The following RSBN1 variants were observed in gnomAD, a reference collection of about 807,000 sequenced individuals.
RSBN1 encodes lysine-specific demethylase 9.
Under a neutral mutation model 74.8 loss-of-function variants are expected in RSBN1, and 23 were observed. That is an observed-to-expected ratio of 0.31 (90% confidence interval 0.22 to 0.44). The LOEUF is 0.44. Ranked by LOEUF, RSBN1 falls within the 20% of genes least tolerant of loss-of-function variation. The pLI is 1.00. For missense variants in RSBN1, 808 were observed against 1,020.9 expected, an observed-to-expected ratio of 0.79 and a Z score of 2.84; for synonymous variants, 407 against 379.6, an observed-to-expected ratio of 1.07 and a Z score of -0.84.
At chr1:113,780,961 C>T (rs1483898156) in intron 2 of RSBN1, among the ~76,000 whole-genome samples, 3 of 152,038 alleles carry the variant, frequency 2.0e-5, no homozygotes, top group African/African-American at 7.2e-5. Context: ...GTTTTTTTCT[C>T]AGTATCAGTC....
chr1:113,778,483 A>G (rs889170538), intron 2 of RSBN1, among the ~76,000 whole-genome samples: 1 of 151,966 alleles, frequency 6.6e-6, no homozygotes, highest in Non-Finnish European at 1.5e-5. Flanking sequence ...TTTTTTTAGT[A>G]GAGATGGGGT....
At position 113,763,422 on chromosome 1, in the gene RSBN1, T is replaced by C. The variant is rs1476563524; in HGVS notation, c.*2558A>G. 6.5e-6 allele frequency: 1 copy of C among 152,712 alleles called. No individual in the cohort carries two copies. Among genetic ancestry groups the C allele is most frequent in the Non-Finnish European group, 1.5e-5 (1 of 68,026 alleles). 9.5% of individuals were successfully genotyped at this position (152,712 alleles called of 1,614,324 possible). A position where few individuals can be genotyped will look rare whatever the true frequency, so the allele number is the denominator to read the frequency against. Reference sequence around the variant, plus strand: ...CTTTAACAAATCAGAAGACGCCAGATTGCTCCATGCCTCACTCCACCAAAC... The same window carrying C: ...CTTTAACAAATCAGAAGACGCCAGACTGCTCCATGCCTCACTCCACCAAAC... On this transcript the variant is annotated 3_prime_UTR_variant, in exon 7 of 7. Coordinates refer to ENST00000261441, the MANE Select transcript of RSBN1 (RefSeq NM_018364.5).
At chr1:113,799,434 G>A (rs1485156906) in intron 1 of RSBN1, among the ~76,000 whole-genome samples, 4 of 152,144 alleles carry the variant, frequency 2.6e-5, no homozygotes, top group South Asian at 2.1e-4. Flanking sequence ...AGCTCTTTTG[G>A]GGAGGTAACA....
At chr1:113,767,297 C>A in intron 5 of RSBN1, 90 bp from the exon 6 acceptor site, 1 of 678,780 alleles carries the variant, frequency 1.5e-6, no homozygotes. Context: ...GGAAATGCTT[C>A]TACCAGCAGA....
At chr1:113,806,712 T>C (rs1660705151) in intron 1 of RSBN1, among the ~76,000 whole-genome samples, 1 of 146,980 alleles carries the variant, frequency 6.8e-6, no homozygotes. Flanking sequence ...ACTGAGAAGG[T>C]AGAAAGGACC....
intron 4 of RSBN1, 132 bp from the exon 5 acceptor site, chr1:113,768,521 T>C: frequency 1.7e-6 from 1 of 580,060 alleles, no homozygotes; most frequent in Non-Finnish European, 3.0e-6. Flanking sequence ...CTGAGAAGGG[T>C]TCAATGATTA....
chr1:113,808,515 C>T (rs1185814861), intron 1 of RSBN1, among the ~76,000 whole-genome samples: 2 of 152,122 alleles, frequency 1.3e-5, no homozygotes, highest in Non-Finnish European at 2.9e-5. Flanking sequence ...TACATGCACA[C>T]AAAAACCTGA....
At chr1:113,805,191 A>G (rs1660677968) in intron 1 of RSBN1, among the ~76,000 whole-genome samples, 1 of 151,800 alleles carries the variant, frequency 6.6e-6, no homozygotes. Flanking sequence ...ATCTCAGCTC[A>G]GTGCAACCTC....
intron 4 of RSBN1, among the ~76,000 whole-genome samples, chr1:113,775,091 C>A (rs1330636573): frequency 6.7e-6 from 1 of 150,348 alleles, no homozygotes; most frequent in Non-Finnish European, 1.5e-5. Flanking sequence ...GTGGCACAAT[C>A]TCGGCTCACT....
Position 113,762,706 on chromosome 1 carries a change from T to C in RSBN1, c.*3274A>G, listed in dbSNP as rs1659701444. The C allele has an allele frequency of 6.5e-6, 1 of 152,794 alleles. No individual in the cohort carries two copies. Among genetic ancestry groups the C allele is most frequent in the Admixed American group, 6.5e-5 (1 of 15,284 alleles). 9.5% of individuals were successfully genotyped at this position (152,794 alleles called of 1,614,324 possible). ...GGATTTGGGAGTCTTGTTCCTATAT[T>C]AGCTTTCATTCTAGACAATTAATAT... is the stretch of plus-strand genomic sequence containing the variant. On this transcript the variant is annotated 3_prime_UTR_variant, in exon 7 of 7. Coordinates refer to ENST00000261441, the MANE Select transcript of RSBN1 (RefSeq NM_018364.5).
intron 1 of RSBN1, among the ~76,000 whole-genome samples, chr1:113,800,899 C>G: frequency 6.6e-6 from 1 of 151,202 alleles, no homozygotes; most frequent in East Asian, 1.9e-4. Flanking sequence ...AAGAATCTTA[C>G]ATTGTAATCT....
chr1:113,812,385 CG>C lies in RSBN1; in HGVS notation c.27del (p.Asp10ThrfsTer49). The C allele has an allele frequency of 6.2e-7, 1 of 1,601,564 alleles. No homozygotes were observed. Among genetic ancestry groups the C allele is most frequent in the South Asian group, 1.1e-5 (1 of 90,924 alleles). MFISGRRT[A>X]DKWRAEERLQ... ...AGTCTCTCCTCCGCCCTCCACTTGTCGGCCGTTCTTCGTCCAGAGATGAACA... is the reference window on the plus strand; with the variant it reads ...AGTCTCTCCTCCGCCCTCCACTTGTCGCCGTTCTTCGTCCAGAGATGAACA... On this transcript the variant is annotated frameshift_variant, in exon 1 of 7. Transcript: ENST00000261441. LOFTEE classifies it high-confidence loss of function.
intron 2 of RSBN1, among the ~76,000 whole-genome samples, chr1:113,794,928 A>G (rs1329543948): frequency 6.6e-6 from 1 of 152,248 alleles, no homozygotes; most frequent in African/African-American, 2.4e-5. Flanking sequence ...CTACATATTT[A>G]AACTATAAAT....
At chr1:113,787,581 G>A (rs900718122) in intron 2 of RSBN1, among the ~76,000 whole-genome samples, 4 of 152,064 alleles carry the variant, frequency 2.6e-5, no homozygotes, top group Middle Eastern at 3.2e-3. Flanking sequence ...TGAACTAAAT[G>A]ACTACAGACA....
At position 113,763,045 on chromosome 1, in the gene RSBN1, G is replaced by A. The variant is rs1659711216; in HGVS notation, c.*2935C>T. ...AATTTTTAGAGTTAAAACTTTGGAGGAGAGAACATACTATATAGGTTTTTA... is the reference window on the plus strand; with the variant it reads ...AATTTTTAGAGTTAAAACTTTGGAGAAGAGAACATACTATATAGGTTTTTA... On this transcript the variant is annotated 3_prime_UTR_variant, in exon 7 of 7. Transcript: ENST00000261441. 1 of 152,766 alleles carries A rather than the reference G, an allele frequency of 6.5e-6. No individual in the cohort carries two copies. The highest frequency in any genetic ancestry group is 6.5e-5 in the Admixed American group (1 of 15,274). 9.5% of individuals were successfully genotyped at this position (152,766 alleles called of 1,614,324 possible). A position where few individuals can be genotyped will look rare whatever the true frequency, so the allele number is the denominator to read the frequency against.
Position 113,811,927 on chromosome 1 carries a change from G to T in RSBN1, c.486C>A (p.Leu162=), listed in dbSNP as rs760224572. ...APAGPAVAAP[L]PAPSTSALFT... ...AGAGGGCCGAGGTGCTTGGGGCCGGGAGAGGGGCAGCGACAGCGGGCCCGG... is the reference window on the plus strand; with the variant it reads ...AGAGGGCCGAGGTGCTTGGGGCCGGTAGAGGGGCAGCGACAGCGGGCCCGG... Residue 162 remains leucine (L), a synonymous_variant, in exon 1 of 7, where the codon CTC becomes CTA. Transcript: ENST00000261441. 1.2e-6 allele frequency: 2 copies of T among 1,602,770 alleles called. No homozygotes were observed. Among genetic ancestry groups the T allele is most frequent in the Non-Finnish European group, 1.7e-6 (2 of 1,174,378 alleles).
At chr1:113,784,756 A>T (rs971267996) in intron 2 of RSBN1, among the ~76,000 whole-genome samples, 1 of 152,062 alleles carries the variant, frequency 6.6e-6, no homozygotes, top group Non-Finnish European at 1.5e-5. Context: ...ACAGTTGAGG[A>T]CCCCTGCCGT....
intron 2 of RSBN1, among the ~76,000 whole-genome samples, chr1:113,794,081 T>G (rs1478069605): frequency 1.3e-5 from 2 of 152,214 alleles, no homozygotes; most frequent in Non-Finnish European, 2.9e-5. Flanking sequence ...AACCATGTAT[T>G]GGCTTTGACC....
At chr1:113,769,884 C>A (rs1302226518) in intron 4 of RSBN1, among the ~76,000 whole-genome samples, 1 of 152,170 alleles carries the variant, frequency 6.6e-6, no homozygotes, top group East Asian at 1.9e-4. Flanking sequence ...TGCAAATAAA[C>A]AAGTCATCCC....
Sources: allele counts gnomAD v4.1 joint callset (sites outside exome capture counted in the v4.1 genomes callset), GRCh38; gene constraint gnomAD v4.1.1; transcripts MANE v1.5; gene names NCBI Gene and HGNC (gene_info 2026-07-23, HGNC 2026-07-21).